The following DIPK2B variants were observed in gnomAD, a reference collection of about 807,000 sequenced individuals.
The protein encoded by DIPK2B is divergent protein kinase domain 2B.
Under a neutral mutation model 22.2 loss-of-function variants are expected in DIPK2B, and 15 were observed. The ratio of observed to expected loss-of-function variants is 0.68; its 90% CI spans 0.45 to 1.04. DIPK2B has a LOEUF of 1.04. Ranked by LOEUF, DIPK2B falls within the 50% of genes least tolerant of loss-of-function variation. The pLI is 0.00. For synonymous variants in DIPK2B, 163 were observed against 153.2 expected (o/e 1.06, Z -0.47); for missense variants, 345 against 348.3 (o/e 0.99, Z 0.08).
At position 45,153,947 on chromosome X, in the gene DIPK2B, C is replaced by T. The variant is rs767607729; in HGVS notation, c.924G>A (p.Arg308=). The T allele has an allele frequency of 8.3e-7, 1 of 1,210,296 alleles. No individual in the cohort carries two copies. ...CGATGACGCCCACTGCACTGGCATC[C>T]CGGATGAACAGATGCCCGTTGTTAA... ...GVFNNGHLFI[R]DASAVGVIDK... Residue 308 remains arginine, a synonymous_variant, in exon 4 of 5, where the codon CGG becomes CGA. Coordinates refer to ENST00000398000, the MANE Select transcript of DIPK2B (RefSeq NM_176819.4).
Position 45,154,321 on chromosome X carries a change from G to A in DIPK2B, c.673-123C>T, listed in dbSNP as rs7882831. On this transcript the variant is annotated intron_variant, in intron 3 of 4. Coordinates refer to ENST00000398000, the MANE Select transcript of DIPK2B (RefSeq NM_176819.4). Reference sequence around the variant, plus strand: ...TATCTATCTATCTATCTATCTATCTGTCTATCTATATCAATCATCTATATC... The same window carrying A: ...TATCTATCTATCTATCTATCTATCTATCTATCTATATCAATCATCTATATC... 9.7e-3 allele frequency: 3,904 copies of A among 401,466 alleles called. 50 individuals carry two copies. Among genetic ancestry groups the A allele is most frequent in the African/African-American group, 0.069 (1,658 of 24,162 alleles). The allele number at this position is 401,466 out of a possible 1,213,427, so 33.1% of individuals were successfully genotyped here.
At chrX:45,182,787 A>T (rs1222713322) in intron 2 of DIPK2B, among the ~76,000 whole-genome samples, 1 of 112,980 alleles carries the variant, frequency 8.9e-6, no homozygotes, top group Non-Finnish European at 1.9e-5. Context: ...ATTTAAATGA[A>T]GTTCAAAAAC....
In DIPK2B at chrX:45,153,769, A is replaced by G. The variant is rs2046974488; in HGVS notation, c.961+141T>C. On this transcript the variant is annotated intron_variant, in intron 4 of 4. Coordinates refer to ENST00000398000, the MANE Select transcript of DIPK2B (RefSeq NM_176819.4). ...AGGGACATTTTACATGAAATCTAAT[A>G]TTCTCCGAACTTGAGTGGCTCTCAC... The G allele has an allele frequency of 6.3e-6, 3 of 475,926 alleles. No individual in the cohort carries two copies. In the Admixed American group the frequency reaches 1.2e-4, roughly 19 times the overall value. The allele number at this position is 475,926 out of a possible 1,213,427, so 39.2% of individuals were successfully genotyped here. A position where few individuals can be genotyped will look rare whatever the true frequency, so the allele number is the denominator to read the frequency against.
intron 2 of DIPK2B, among the ~76,000 whole-genome samples, chrX:45,168,738 C>G (rs761653023): frequency 9.0e-6 from 1 of 111,310 alleles, no homozygotes; most frequent in Non-Finnish European, 1.9e-5. Flanking sequence ...CGTGTCTCCC[C>G]TCTTCAGGCC....
rs1471032114 is a variant in DIPK2B at position 45,150,390 on chromosome X, G to GT, written c.*1261dup. 3 of 112,098 alleles carry GT rather than the reference G, an allele frequency of 2.7e-5. No individual in the cohort carries two copies. In the Admixed American group the frequency reaches 2.8e-4, roughly 11 times the overall value. The allele number at this position is 112,098 out of a possible 1,213,427, so 9.2% of individuals were successfully genotyped here. On this transcript the variant is annotated 3_prime_UTR_variant, in exon 5 of 5. Coordinates refer to ENST00000398000, the MANE Select transcript of DIPK2B (RefSeq NM_176819.4). Reference sequence around the variant, plus strand: ...GCAAACTAACAAACTGTTGAATAAAGTATGTTCTATTGGTTGACCTTGAAA... The same window carrying GT: ...GCAAACTAACAAACTGTTGAATAAAGTTATGTTCTATTGGTTGACCTTGAAA...
At position 45,153,917 on chromosome X, in the gene DIPK2B, C is replaced by T. The variant is rs1368870637; in HGVS notation, c.954G>A (p.Lys318=). Residue 318 remains lysine, a synonymous_variant, in exon 4 of 5, where the codon AAG becomes AAA. Coordinates refer to ENST00000398000, the MANE Select transcript of DIPK2B (RefSeq NM_176819.4). The stretch of plus-strand genomic sequence containing the variant: ...CAGGCCCATGCTGAGTACCTTCCTG[C>T]TTGTCGATGACGCCCACTGCACTGG... The part of the protein sequence containing the change: ...RDASAVGVID[K]QEGSQEANRA... 8.3e-6 allele frequency: 10 copies of T among 1,206,667 alleles called. No homozygotes were observed. Among genetic ancestry groups the T allele is most frequent in the Admixed American group, 4.4e-5 (2 of 45,416 alleles).
intron 2 of DIPK2B, among the ~76,000 whole-genome samples, chrX:45,162,087 A>G (rs746877835): frequency 5.4e-5 from 6 of 111,148 alleles, no homozygotes; most frequent in Non-Finnish European, 1.1e-4. Context: ...CCCAGGCCAC[A>G]TGGAGAGCCA....
intron 1 of DIPK2B, among the ~76,000 whole-genome samples, chrX:45,195,460 G>A (rs183663474): frequency 2.5e-4 from 28 of 111,780 alleles, no homozygotes; most frequent in East Asian, 5.6e-4. Context: ...CCCTCTTCTC[G>A]TGCATTCTTC....
chrX:45,178,540 G>C (rs1172433221), intron 2 of DIPK2B, among the ~76,000 whole-genome samples: 1 of 111,578 alleles, frequency 9.0e-6, no homozygotes, highest in Non-Finnish European at 1.9e-5. Flanking sequence ...TACACACGAG[G>C]TAAGCCCCAT....
chrX:45,192,098 G>T, intron 1 of DIPK2B, 83 bp from the exon 2 acceptor site: 1 of 937,525 alleles, frequency 1.1e-6, no homozygotes, highest in Non-Finnish European at 1.4e-6. Flanking sequence ...GGGGACAATA[G>T]CCCAACTGAT....
intron 2 of DIPK2B, among the ~76,000 whole-genome samples, chrX:45,161,406 G>C (rs183914155): frequency 4.5e-5 from 5 of 112,205 alleles, no homozygotes; most frequent in Non-Finnish European, 3.8e-5. Flanking sequence ...GCCAGACATG[G>C]CAGTGCATGC....
At position 45,162,945 on chromosome X, in the gene DIPK2B, C is replaced by G. The variant is rs927264239; in HGVS notation, c.499-5057G>C. The G allele has an allele frequency of 5.3e-6, 4 of 752,296 alleles. No homozygotes were observed. The African/African-American group carries it at 9.3e-5, about 17-fold the overall frequency. 62.0% of individuals were successfully genotyped at this position (752,296 alleles called of 1,213,427 possible). ...GTTCTCTACCACAATCCTTAACAGT[C>G]TGAAGACGGTCGATAAAATTTAGCA... On this transcript the variant is annotated intron_variant, in intron 2 of 4. Coordinates refer to ENST00000398000, the MANE Select transcript of DIPK2B (RefSeq NM_176819.4).
intron 2 of DIPK2B, among the ~76,000 whole-genome samples, 198 bp from the exon 3 acceptor site, chrX:45,158,086 C>A (rs1485326660): frequency 1.0e-5 from 1 of 98,721 alleles, no homozygotes; most frequent in Non-Finnish European, 2.1e-5. Context: ...GTAGCTCTGC[C>A]CAGGCGGAGC....
chrX:45,173,042 C>T (rs778183334), intron 2 of DIPK2B, among the ~76,000 whole-genome samples: 60 of 111,644 alleles, frequency 5.4e-4, no homozygotes, highest in African/African-American at 1.8e-3. Flanking sequence ...CCCCCTAGCC[C>T]TTCTGTTGAG....
intron 2 of DIPK2B, among the ~76,000 whole-genome samples, chrX:45,158,913 G>T (rs894666617): frequency 2.7e-5 from 3 of 112,240 alleles, no homozygotes; most frequent in Admixed American, 1.9e-4. Context: ...TTGGAATGCA[G>T]AGTGTAGGTA....
chrX:45,177,040 G>A (rs931841704), intron 2 of DIPK2B, among the ~76,000 whole-genome samples: 3 of 111,217 alleles, frequency 2.7e-5, no homozygotes, highest in African/African-American at 9.8e-5. Flanking sequence ...GCCAGGTGCA[G>A]TAATTCCAGC....
At chrX:45,167,231 C>T (rs1299353429) in intron 2 of DIPK2B, among the ~76,000 whole-genome samples, 4 of 111,528 alleles carry the variant, frequency 3.6e-5, no homozygotes, top group Admixed American at 1.9e-4. Context: ...TGGCTCATGC[C>T]TATATTCCCA....
chrX:45,157,911 C>T (rs780524532), intron 2 of DIPK2B, 23 bp from the exon 3 acceptor site: 3 of 933,094 alleles, frequency 3.2e-6, no homozygotes, highest in Non-Finnish European at 4.1e-6. Context: ...GGGAGAGAGG[C>T]GGGAGAAGAA....
chrX:45,162,502 C>T (rs905711799), intron 2 of DIPK2B: 1 of 752,651 alleles, frequency 1.3e-6, no homozygotes, highest in African/African-American at 2.3e-5. Context: ...CCTTTGTCTA[C>T]TTCTGTTTGG....
Sources: allele counts gnomAD v4.1 joint callset (sites outside exome capture counted in the v4.1 genomes callset), GRCh38; gene constraint gnomAD v4.1.1; transcripts MANE v1.5; gene names NCBI Gene and HGNC (gene_info 2026-07-23, HGNC 2026-07-21).